Variants in EPG5 observed in about 807,000 individuals in gnomAD.
EPG5 encodes the protein ectopic P-granules 5 autophagy tethering factor.
EPG5 carries 159 observed loss-of-function variants against 302.7 expected under a neutral mutation model. The observed-to-expected ratio is 0.53, with a 90% CI of 0.46 to 0.60. EPG5 has a LOEUF of 0.60. Among genes scored for constraint, EPG5 ranks in the 20% least tolerant of loss-of-function variants. The probability of loss-of-function intolerance (pLI) is 0.00; values close to 1 mark genes in which losing one functional copy is unlikely to be tolerated. For synonymous variants in EPG5, 1,158 were observed against 1,136.8 expected, an observed-to-expected ratio of 1.02 and a Z score of -0.37; for missense variants, 2,896 against 3,092.4, an observed-to-expected ratio of 0.94 and a Z score of 1.51.
chr18:45,891,178 G>C (rs758316463), intron 27 of EPG5, among the ~76,000 whole-genome samples: 1 of 152,114 alleles, frequency 6.6e-6, no homozygotes, highest in Non-Finnish European at 1.5e-5. Context: ...GAGGCCCAGG[G>C]TTATTATCAT....
chr18:45,859,053 G>A (rs2048578186), intron 40 of EPG5, among the ~76,000 whole-genome samples: 1 of 152,148 alleles, frequency 6.6e-6, no homozygotes, highest in South Asian at 2.1e-4. Flanking sequence ...AGAATTCAGG[G>A]CTGCATACGT....
intron 39 of EPG5, 146 bp from the exon 40 acceptor site, chr18:45,860,492 C>T (rs2048612046): frequency 9.8e-7 from 1 of 1,016,010 alleles, no homozygotes; most frequent in Non-Finnish European, 1.5e-6. Flanking sequence ...GGAAGGAAGG[C>T]TCTGGATGGT....
intron 26 of EPG5, among the ~76,000 whole-genome samples, chr18:45,899,818 C>A (rs1363530986): frequency 6.6e-6 from 1 of 152,164 alleles, no homozygotes; most frequent in Non-Finnish European, 1.5e-5. Context: ...AAACAAAGCT[C>A]CATTTAGAAT....
chr18:45,838,851 C>A, the EPG5 span: 2 of 1,574,738 alleles, frequency 1.3e-6, no homozygotes, highest in South Asian at 2.3e-5. Context: ...GCTTGGCAGC[C>A]GTGCGGAGCC....
chr18:45,815,226 C>T, the EPG5 span, among the ~76,000 whole-genome samples: 1 of 152,138 alleles, frequency 6.6e-6, no homozygotes, highest in African/African-American at 2.4e-5. Context: ...GATATATGCC[C>T]ACCCAACAGT....
intron 1 of EPG5, 78 bp from the exon 2 acceptor site, chr18:45,955,416 C>T: frequency 3.8e-6 from 4 of 1,040,406 alleles, no homozygotes; most frequent in Non-Finnish European, 5.4e-6. Flanking sequence ...TAAAGTTGCA[C>T]ATAAAATCTA....
chr18:45,907,756 AG>A, intron 24 of EPG5: 3 of 449,322 alleles, frequency 6.7e-6, no homozygotes, highest in Non-Finnish European at 1.1e-5. Flanking sequence ...TTCAGGTAGA[AG>A]GCACGGTGGG....
chr18:45,815,596 A>T, the EPG5 span, among the ~76,000 whole-genome samples: 1 of 152,190 alleles, frequency 6.6e-6, no homozygotes, highest in Non-Finnish European at 1.5e-5. Flanking sequence ...GAGGTGAAAG[A>T]CCTCTACAAG....
At chr18:45,866,401 G>A (rs1010698002) in intron 38 of EPG5, among the ~76,000 whole-genome samples, 7 of 152,118 alleles carry the variant, frequency 4.6e-5, no homozygotes, top group Non-Finnish European at 8.8e-5. Context: ...GATTACAGGC[G>A]TGAGCCACCG....
intron 27 of EPG5, among the ~76,000 whole-genome samples, chr18:45,894,737 G>C (rs925005286): frequency 6.6e-6 from 1 of 152,182 alleles, no homozygotes; most frequent in Non-Finnish European, 1.5e-5. Flanking sequence ...TAATGTGTAT[G>C]TTGTGTTTAG....
chr18:45,913,581 G>T, intron 21 of EPG5, 125 bp downstream of exon 21: 1 of 1,188,246 alleles, frequency 8.4e-7, no homozygotes, highest in Non-Finnish European at 1.2e-6. Context: ...TATTGGTTTG[G>T]TTGTTGAGCT....
At chr18:45,958,138 A>G (rs2051071156) in intron 1 of EPG5, among the ~76,000 whole-genome samples, 3 of 152,230 alleles carry the variant, frequency 2.0e-5, no homozygotes, top group Admixed American at 2.0e-4. Flanking sequence ...GAAGCATAAT[A>G]CTTGTACTCT....
intron 37 of EPG5, among the ~76,000 whole-genome samples, chr18:45,867,342 G>A (rs1027863280): frequency 2.6e-5 from 4 of 152,146 alleles, no homozygotes; most frequent in Admixed American, 6.5e-5. Flanking sequence ...AAATAAAGTT[G>A]ATTAATACAT....
At chr18:45,949,961 A>T (rs181611843) in intron 4 of EPG5, among the ~76,000 whole-genome samples, 2 of 152,340 alleles carry the variant, frequency 1.3e-5, no homozygotes, top group East Asian at 3.9e-4. Flanking sequence ...ACTCTAGTAC[A>T]AACCTAAAAA....
chr18:45,864,161 T>C (rs2048692761), intron 39 of EPG5, among the ~76,000 whole-genome samples: 1 of 152,188 alleles, frequency 6.6e-6, no homozygotes, highest in Admixed American at 6.5e-5. Flanking sequence ...TGGAGTGCAG[T>C]GGCTATTCAG....
chr18:45,839,035 G>A, the EPG5 span: 2 of 1,563,196 alleles, frequency 1.3e-6, no homozygotes, highest in Admixed American at 1.8e-5. Context: ...CGGCGCTCTC[G>A]GCTTCAAGGC....
At chr18:45,959,421 T>G (rs1168929644) in intron 1 of EPG5, among the ~76,000 whole-genome samples, 1 of 151,540 alleles carries the variant, frequency 6.6e-6, no homozygotes, top group Non-Finnish European at 1.5e-5. Context: ...CTGAGGCAGG[T>G]GGATTACGAG....
intron 35 of EPG5, among the ~76,000 whole-genome samples, chr18:45,874,793 C>A (rs2048937708): frequency 6.6e-6 from 1 of 152,184 alleles, no homozygotes; most frequent in Non-Finnish European, 1.5e-5. Context: ...CACACAAACA[C>A]ATGGCAGCCA....
intron 15 of EPG5, among the ~76,000 whole-genome samples, chr18:45,922,962 C>T (rs1432133808): frequency 6.6e-6 from 1 of 152,094 alleles, no homozygotes; most frequent in Non-Finnish European, 1.5e-5. Context: ...TTTAAGCTAC[C>T]AATGGTTTAA....
Sources: gnomAD v4.1 joint callset for allele counts (sites outside exome capture counted in the v4.1 genomes callset) on GRCh38, gnomAD v4.1.1 for gene constraint, MANE v1.5 for transcripts, NCBI Gene and HGNC (gene_info 2026-07-23, HGNC 2026-07-21) for gene names.